Variants in NRXN1 observed in about 807,000 individuals in gnomAD.
NRXN1 encodes the protein neurexin 1.
Under a neutral mutation model 150.9 loss-of-function variants are expected in NRXN1, and 39 were observed. That is an observed-to-expected ratio of 0.26 (90% CI 0.20 to 0.34). NRXN1 has a LOEUF of 0.34. NRXN1 is among the 10% of genes least tolerant of loss of function. The probability of loss-of-function intolerance (pLI) is 1.00; values close to 1 mark genes in which losing one functional copy is unlikely to be tolerated. For missense variants in NRXN1, 1,815 were observed against 1,949.9 expected, an observed-to-expected ratio of 0.93 and a Z score of 1.30; for synonymous variants, 924 against 757.0, an observed-to-expected ratio of 1.22 and a Z score of -3.62.
chr2:50,796,762 T>C (rs562106946), intron 5 of NRXN1, among the ~76,000 whole-genome samples: 2 of 152,336 alleles, frequency 1.3e-5, no homozygotes, highest in African/African-American at 4.8e-5. Context: ...AACAATCCCA[T>C]AAATTTATGT....
chr2:50,396,730 G>A (rs1013946736), intron 17 of NRXN1, among the ~76,000 whole-genome samples: 1 of 152,068 alleles, frequency 6.6e-6, no homozygotes, highest in African/African-American at 2.4e-5. Flanking sequence ...CAAAAATACT[G>A]ATCACGGTGC....
At chr2:50,585,118 T>C (rs1315962409) in intron 8 of NRXN1, among the ~76,000 whole-genome samples, 3 of 152,172 alleles carry the variant, frequency 2.0e-5, no homozygotes, top group African/African-American at 7.2e-5. Flanking sequence ...AGTAGTAGTT[T>C]AGCCCATGAA....
intron 18 of NRXN1, among the ~76,000 whole-genome samples, chr2:50,198,947 C>G (rs1374026005): frequency 2.0e-5 from 3 of 152,090 alleles, no homozygotes; most frequent in Non-Finnish European, 4.4e-5. Context: ...TATGGCATGG[C>G]TGACACTCCC....
intron 22 of NRXN1, among the ~76,000 whole-genome samples, chr2:49,922,486 TCA>T (rs1572857961): frequency 6.6e-6 from 1 of 152,138 alleles, no homozygotes; most frequent in African/African-American, 2.4e-5. Flanking sequence ...TCAATTTTGT[TCA>T]CAGAGTTTGG....
chr2:49,930,466 C>T (rs1223338488), intron 22 of NRXN1, among the ~76,000 whole-genome samples: 1 of 152,230 alleles, frequency 6.6e-6, no homozygotes, highest in East Asian at 1.9e-4. Flanking sequence ...GAGAAGAGAT[C>T]TCAATGCTGG....
rs759708823 is a variant in NRXN1 at position 50,538,239 on chromosome 2, T to C, written c.2143+14A>G. On this transcript the variant is annotated intron_variant, in intron 10 of 22. Transcript: ENST00000401669. ...CATCTCAGGGAGTTGGCTGCTGGGG[T>C]TTTAGAATCCTACCTCTCTCACAGG... 1.3e-6 allele frequency: 2 copies of C among 1,599,932 alleles called. No homozygotes were observed. Among genetic ancestry groups the C allele is most frequent in the Admixed American group, 3.4e-5 (2 of 59,214 alleles).
intron 5 of NRXN1, among the ~76,000 whole-genome samples, chr2:50,708,922 C>T (rs1369920829): frequency 6.6e-6 from 1 of 152,152 alleles, no homozygotes; most frequent in Non-Finnish European, 1.5e-5. Flanking sequence ...GCACTCAGAT[C>T]AGGAACAAGC....
chr2:50,844,315 G>A (rs181088300), intron 5 of NRXN1, among the ~76,000 whole-genome samples: 4 of 152,170 alleles, frequency 2.6e-5, no homozygotes, highest in East Asian at 1.9e-4. Context: ...CCACTTCTCC[G>A]CTTAAATTTT....
chr2:50,532,312 AT>A (rs11337827), intron 10 of NRXN1, among the ~76,000 whole-genome samples: 75,396 of 150,408 alleles, frequency 0.5, 20,462 homozygotes, highest in African/African-American at 0.71. Context: ...TACTGTCATC[AT>A]TTTTTTTTCA....
intron 5 of NRXN1, among the ~76,000 whole-genome samples, chr2:50,674,529 C>T (rs1252389398): frequency 6.6e-6 from 1 of 151,928 alleles, no homozygotes; most frequent in African/African-American, 2.4e-5. Context: ...AGAAAGGAAG[C>T]AAATAGGAAA....
chr2:49,994,869 A>G (rs1682668126), intron 21 of NRXN1, among the ~76,000 whole-genome samples: 1 of 152,252 alleles, frequency 6.6e-6, no homozygotes. Context: ...CACTTTGCTC[A>G]TAACATCATG....
intron 9 of NRXN1, among the ~76,000 whole-genome samples, chr2:50,549,907 T>G (rs1211851736): frequency 6.6e-6 from 1 of 152,132 alleles, no homozygotes; most frequent in Non-Finnish European, 1.5e-5. Flanking sequence ...TATGCATATA[T>G]ATACATACAT....
chr2:50,697,900 A>AG (rs1205415768), intron 5 of NRXN1, among the ~76,000 whole-genome samples: 1 of 152,060 alleles, frequency 6.6e-6, no homozygotes, highest in Non-Finnish European at 1.5e-5. Flanking sequence ...AGCTCTCCAT[A>AG]GCTCTTCACA....
chr2:51,021,240 C>T (rs1376366340), intron 2 of NRXN1, among the ~76,000 whole-genome samples: 2 of 151,938 alleles, frequency 1.3e-5, no homozygotes, highest in African/African-American at 4.8e-5. Flanking sequence ...ACAGCAACTT[C>T]TAATAGGTTT....
chr2:50,279,779 G>A (rs1485285699), intron 17 of NRXN1, among the ~76,000 whole-genome samples: 1 of 152,056 alleles, frequency 6.6e-6, no homozygotes, highest in African/African-American at 2.4e-5. Context: ...AATTAGTAGC[G>A]ATAAAATATT....
At chr2:50,227,116 G>A (rs2064458410) in intron 18 of NRXN1, among the ~76,000 whole-genome samples, 1 of 149,850 alleles carries the variant, frequency 6.7e-6, no homozygotes, top group Non-Finnish European at 1.5e-5. Context: ...AATTTTGTCT[G>A]CTTCATAAAA....
intron 5 of NRXN1, among the ~76,000 whole-genome samples, chr2:50,666,032 C>A (rs141761785): frequency 8.2e-4 from 124 of 151,940 alleles, no homozygotes; most frequent in African/African-American, 2.9e-3. Context: ...ATTTTTCGAG[C>A]CTCTTTGTAA....
At chr2:50,108,362 T>C (rs765985882) in intron 18 of NRXN1, among the ~76,000 whole-genome samples, 7 of 152,006 alleles carry the variant, frequency 4.6e-5, no homozygotes, top group Non-Finnish European at 8.8e-5. Flanking sequence ...GCTTATATAA[T>C]AACCGATTTT....
At chr2:50,727,993 C>T (rs1358454446) in intron 5 of NRXN1, among the ~76,000 whole-genome samples, 1 of 152,152 alleles carries the variant, frequency 6.6e-6, no homozygotes, top group Non-Finnish European at 1.5e-5. Flanking sequence ...CTGTGGAAAA[C>T]TGTCACAACA....
Sources: allele counts gnomAD v4.1 joint callset (sites outside exome capture counted in the v4.1 genomes callset), GRCh38; gene constraint gnomAD v4.1.1; transcripts MANE v1.5; gene names NCBI Gene and HGNC (gene_info 2026-07-23, HGNC 2026-07-21).